The following AMOTL2 variants were observed in gnomAD, a reference collection of about 807,000 sequenced individuals.
The protein encoded by AMOTL2 is angiomotin like 2.
AMOTL2 carries 33 observed loss-of-function variants against 78.4 expected under a neutral mutation model. The ratio of observed to expected loss-of-function variants is 0.42; its 90% confidence interval spans 0.32 to 0.56. AMOTL2 has a LOEUF of 0.56. AMOTL2 is among the 20% of genes least tolerant of loss of function. The probability of loss-of-function intolerance (pLI) is 0.12; values close to 1 mark genes in which losing one functional copy is unlikely to be tolerated. For synonymous variants in AMOTL2, 422 were observed against 428.8 expected (o/e 0.98, Z 0.20); for missense variants, 983 against 1,030.1 (o/e 0.95, Z 0.63).
chr3:134,369,648 G>A (rs2017768673), intron 2 of AMOTL2, among the ~76,000 whole-genome samples: 1 of 152,218 alleles, frequency 6.6e-6, no homozygotes, highest in South Asian at 2.1e-4. Flanking sequence ...CATTTCTCGA[G>A]AGCAAGGAAA....
At chr3:134,365,734 G>A in intron 5 of AMOTL2, 83 bp downstream of exon 5, 1 of 1,294,628 alleles carries the variant, frequency 7.7e-7, no homozygotes, top group Non-Finnish European at 1.1e-6. Context: ...CAAGGGGGAA[G>A]GCCAATCTTC....
rs774906767 is a variant in AMOTL2 at position 134,358,524 on chromosome 3, G to A, written c.2284+16C>T. 1.2e-6 allele frequency: 2 copies of A among 1,608,864 alleles called. No individual in the cohort carries two copies. Among genetic ancestry groups the A allele is most frequent in the East Asian group, 2.2e-5 (1 of 44,784 alleles). On this transcript the variant is annotated intron_variant, in intron 9 of 9. Coordinates refer to ENST00000249883, the MANE Select transcript of AMOTL2 (RefSeq NM_016201.4). ...TCGGCCCTACCTAGCACAGAAGTGG[G>A]GTCAGGAGGACTTACCCAGAGAGGC...
At position 134,370,772 on chromosome 3, in the gene AMOTL2, TCATGAGCTAGTACAA is replaced by T; in HGVS notation, c.647_661del (p.Val216_His220del). The T allele has an allele frequency of 6.6e-7, 1 of 1,524,124 alleles. No homozygotes were observed. Among genetic ancestry groups the T allele is most frequent in the Non-Finnish European group, 8.8e-7 (1 of 1,136,500 alleles). 94.4% of individuals were successfully genotyped at this position (1,524,124 alleles called of 1,614,324 possible). A position where few individuals can be genotyped will look rare whatever the true frequency, so the allele number is the denominator to read the frequency against. The stretch of plus-strand genomic sequence containing the variant: ...TGGGTCAGTGACAGCAGTGGTGGTC[TCATGAGCTAGTACAA>T]CATGAGGGTACTGAGGTGGGGGTCC... On this transcript the variant is annotated inframe_deletion, in exon 2 of 10. Coordinates refer to ENST00000249883, the MANE Select transcript of AMOTL2 (RefSeq NM_016201.4).
rs566408647 is a variant in AMOTL2, at chr3:134,358,415, G to A, written c.2284+125C>T. 12 of 1,196,314 alleles carry A rather than the reference G, an allele frequency of 1.0e-5. 1 individual carries two copies. In the East Asian group the frequency reaches 1.3e-4, roughly 13 times the overall value. The allele number at this position is 1,196,314 out of a possible 1,614,324, so 74.1% of individuals were successfully genotyped here. ...ACCCTGCTCACCTCTGGCTATGCAC[G>A]GCTCCCCATGGAGTGCGGGCAATGA... On this transcript the variant is annotated intron_variant, in intron 9 of 9. Coordinates refer to ENST00000249883, the MANE Select transcript of AMOTL2 (RefSeq NM_016201.4).
chr3:134,363,209 G>A (rs953022544), intron 5 of AMOTL2, among the ~76,000 whole-genome samples: 4 of 152,222 alleles, frequency 2.6e-5, no homozygotes, highest in African/African-American at 4.8e-5. Context: ...GGGCAGGGCA[G>A]GGAGGACACA....
At chr3:134,375,348 C>T (rs1348405372), upstream of AMOTL2, 7 of 1,075,568 alleles carry the variant, frequency 6.5e-6, no homozygotes, top group South Asian at 1.3e-5. Context: ...TGTTATCATC[C>T]CTGTGTTGTA....
chr3:134,362,214 C>T (rs1056605381), intron 5 of AMOTL2, among the ~76,000 whole-genome samples: 3 of 152,192 alleles, frequency 2.0e-5, no homozygotes, highest in Non-Finnish European at 4.4e-5. Flanking sequence ...AATAGAGACT[C>T]AGGTAGGCTG....
rs115529606 is a variant in AMOTL2 at position 134,373,550 on chromosome 3, C to T, written c.-62+792G>A. 130 of 985,602 alleles carry T rather than the reference C, an allele frequency of 1.3e-4. No individual in the cohort carries two copies. The African/African-American group carries it at 2.1e-3, about 16-fold the overall frequency. 61.1% of individuals were successfully genotyped at this position (985,602 alleles called of 1,614,324 possible). A position where few individuals can be genotyped will look rare whatever the true frequency, so the allele number is the denominator to read the frequency against. ...ACTCGCCCGCTGCGCTCTCTGAAGGCCGCCTTTCTAAGCCAGCGCGCGTCT... is the reference window on the plus strand; with the variant it reads ...ACTCGCCCGCTGCGCTCTCTGAAGGTCGCCTTTCTAAGCCAGCGCGCGTCT... On this transcript the variant is annotated intron_variant, in intron 1 of 9. Transcript: ENST00000249883.
chr3:134,375,021 T>A (rs1253593999), upstream of AMOTL2: 7 of 1,437,368 alleles, frequency 4.9e-6, no homozygotes, highest in Non-Finnish European at 6.4e-6. Flanking sequence ...GCTAAGTGAA[T>A]GCTTCCAGCC....
In AMOTL2 at chr3:134,371,518, G is replaced by A. The variant is rs577559892; in HGVS notation, c.-61-24C>T. The stretch of plus-strand genomic sequence containing the variant: ...ACCTGGAGTGGGGTGGGGAGAGAGA[G>A]AGAGAAAAGCAATCAGTGGGAACCC... On this transcript the variant is annotated intron_variant, in intron 1 of 9. Transcript: ENST00000249883. 2.5e-5 allele frequency: 40 copies of A among 1,574,844 alleles called. 1 individual carries two copies. Among genetic ancestry groups the A allele is most frequent in the South Asian group, 1.4e-4 (13 of 89,952 alleles).
Position 134,366,369 on chromosome 3 carries a change from G to A in AMOTL2, c.1100C>T (p.Ser367Phe), listed in dbSNP as rs753712067. Reference sequence around the variant, plus strand: ...GGTCTTCTCCAGGGCCTCACGCTTGGAGGAGGCTCTGGTCAGGCTCTCATG... The same window carrying A: ...GGTCTTCTCCAGGGCCTCACGCTTGAAGGAGGCTCTGGTCAGGCTCTCATG... Reference protein sequence around the residue: ...EAHESLTRASSKREALEKTMR... With the variant: ...EAHESLTRASFKREALEKTMR... Residue 367 changes from serine to phenylalanine, a missense_variant, in exon 4 of 10, where the codon TCC (serine) becomes TTC (phenylalanine). By Grantham distance (155) the Ser-to-Phe change is radical. Transcript: ENST00000249883. 1 of 1,614,100 alleles carries A rather than the reference G, an allele frequency of 6.2e-7. No homozygotes were observed. Among genetic ancestry groups the A allele is most frequent in the East Asian group, 2.2e-5 (1 of 44,868 alleles).
At position 134,361,760 on chromosome 3, in the gene AMOTL2, G is replaced by A. The variant is rs372390303; in HGVS notation, c.1327C>T (p.Leu443=). The change falls in exon 6 of 10, where the codon CTG becomes TTG. Residue 443 remains leucine (L), a synonymous_variant. Transcript: ENST00000249883. The part of the protein sequence containing the change: ...EQEKLEREMA[L]LRGAIEDQRR... Reference sequence around the variant, plus strand: ...TGGTCCTCGATGGCGCCGCGCAGCAGTGCCATCTCTCGCTCCAGCTTCTCT... The same window carrying A: ...TGGTCCTCGATGGCGCCGCGCAGCAATGCCATCTCTCGCTCCAGCTTCTCT... 21 of 1,584,410 alleles carry A rather than the reference G, an allele frequency of 1.3e-5. No homozygotes were observed. The highest frequency in any genetic ancestry group is 1.5e-5 in the Non-Finnish European group (17 of 1,163,200).
At chr3:134,358,263 A>G (rs1374812114) in intron 9 of AMOTL2, among the ~76,000 whole-genome samples, 1 of 152,222 alleles carries the variant, frequency 6.6e-6, no homozygotes, top group Non-Finnish European at 1.5e-5. Context: ...ACCATGAAAG[A>G]GGAGCTAAAG....
rs747507248 is a variant in AMOTL2, at chr3:134,357,307, C to A, written c.*398G>T. 1.0e-4 allele frequency: 22 copies of A among 212,728 alleles called. No individual in the cohort carries two copies. The highest frequency in any genetic ancestry group is 2.0e-4 in the Non-Finnish European group (21 of 104,334). 13.2% of individuals were successfully genotyped at this position (212,728 alleles called of 1,614,324 possible). ...AGTCCACCTGGTGTCCACGGGCAGC[C>A]GTCCGTGGAAATTAGTTCCCCAAAC... is the stretch of plus-strand genomic sequence containing the variant. On this transcript the variant is annotated 3_prime_UTR_variant, in exon 10 of 10. Transcript: ENST00000249883.
chr3:134,359,993 C>G, intron 7 of AMOTL2, 113 bp downstream of exon 7: 1 of 1,192,794 alleles, frequency 8.4e-7, no homozygotes, highest in Non-Finnish European at 1.2e-6. Flanking sequence ...GCAGGAGGGA[C>G]TGCTGAGCTC....
Position 134,356,258 on chromosome 3 carries a change from G to T in AMOTL2, c.*1447C>A, listed in dbSNP as rs1433990242. The T allele has an allele frequency of 1.3e-5, 2 of 152,448 alleles. No individual in the cohort carries two copies. Among genetic ancestry groups the T allele is most frequent in the African/African-American group, 4.8e-5 (2 of 41,420 alleles). The allele number at this position is 152,448 out of a possible 1,614,324, so 9.4% of individuals were successfully genotyped here. A position where few individuals can be genotyped will look rare whatever the true frequency, so the allele number is the denominator to read the frequency against. On this transcript the variant is annotated 3_prime_UTR_variant, in exon 10 of 10. Coordinates refer to ENST00000249883, the MANE Select transcript of AMOTL2 (RefSeq NM_016201.4). Reference sequence around the variant, plus strand: ...CCAGCAAATGCAAATGTTTAAAAAGGAAACTTGAGGAACCATGGAAATAAA... The same window carrying T: ...CCAGCAAATGCAAATGTTTAAAAAGTAAACTTGAGGAACCATGGAAATAAA...
At position 134,371,351 on chromosome 3, in the gene AMOTL2, G is replaced by A. The variant is rs148668173; in HGVS notation, c.83C>T (p.Thr28Met). ...CTGCTGGATGGCTAGCAGCGTGCGC[G>A]TCTCAGTCAGGTTGCCGTAGCGCAG... ...EQLRYGNLTE[T>M]RTLLAIQQQA... Residue 28 changes from threonine (T) to methionine (M), a missense_variant, in exon 2 of 10, where the codon ACG becomes ATG. Coordinates refer to ENST00000249883, the MANE Select transcript of AMOTL2 (RefSeq NM_016201.4). The A allele has an allele frequency of 1.9e-4, 312 of 1,610,850 alleles. No homozygotes were observed. Among genetic ancestry groups the A allele is most frequent in the Non-Finnish European group, 2.1e-4 (246 of 1,180,012 alleles).
At position 134,360,331 on chromosome 3, in the gene AMOTL2, C is replaced by T. The variant is rs561578417; in HGVS notation, c.1658G>A (p.Arg553Gln). ...LSALRLSEQL[R>Q]EKEEQILALE... The stretch of plus-strand genomic sequence containing the variant: ...CGCCAGGATCTGCTCCTCCTTCTCT[C>T]GCAGTTGTTCTGACAGTCGCAGGGC... Residue 553 changes from arginine to glutamine, a missense_variant, in exon 7 of 10, where the codon CGA becomes CAA. Arg to Gln is a conservative substitution (Grantham distance 43, BLOSUM62 1). Transcript: ENST00000249883. The T allele has an allele frequency of 3.0e-5, 48 of 1,614,114 alleles. No individual in the cohort carries two copies. Among genetic ancestry groups the T allele is most frequent in the East Asian group, 2.0e-4 (9 of 44,906 alleles).
At chr3:134,373,616 G>C (rs1167804697) in intron 1 of AMOTL2, 6 of 985,368 alleles carry the variant, frequency 6.1e-6, no homozygotes, top group Non-Finnish European at 7.2e-6. Context: ...AGGAACCAAA[G>C]ACAGTCTCCA....
Sources: allele counts gnomAD v4.1 joint callset (sites outside exome capture counted in the v4.1 genomes callset), GRCh38; gene constraint gnomAD v4.1.1; transcripts MANE v1.5; gene names NCBI Gene and HGNC (gene_info 2026-07-23, HGNC 2026-07-21).